Variants in PDSS2 observed in about 807,000 individuals in gnomAD.
PDSS2 encodes decaprenyl diphosphate synthase subunit 2.
PDSS2 carries 31 observed loss-of-function variants against 44.5 expected under a neutral mutation model. The observed-to-expected ratio is 0.70, with a 90% confidence interval of 0.52 to 0.94. The LOEUF (loss-of-function observed/expected upper bound fraction) is 0.94, where lower values mean the gene tolerates loss of function less well. PDSS2 is among the 40% of genes least tolerant of loss of function. PDSS2 has a pLI of 0.00. For missense variants in PDSS2, 452 were observed against 482.2 expected, an observed-to-expected ratio of 0.94 and a Z score of 0.59; for synonymous variants, 157 against 180.3, an observed-to-expected ratio of 0.87 and a Z score of 1.03.
intron 1 of PDSS2, among the ~76,000 whole-genome samples, chr6:107,427,564 A>G (rs1001788479): frequency 5.3e-5 from 8 of 152,212 alleles, no homozygotes; most frequent in African/African-American, 1.9e-4. Flanking sequence ...ATAATTAGAA[A>G]TCCATTCTTT....
At chr6:107,305,794 T>C (rs541024915) in intron 2 of PDSS2, among the ~76,000 whole-genome samples, 2 of 152,324 alleles carry the variant, frequency 1.3e-5, no homozygotes, top group African/African-American at 4.8e-5. Flanking sequence ...TAAGTACCTC[T>C]TATGTGGAAG....
chr6:107,277,361 G>A (rs1358414191), intron 2 of PDSS2, among the ~76,000 whole-genome samples: 1 of 152,212 alleles, frequency 6.6e-6, no homozygotes, highest in Non-Finnish European at 1.5e-5. Context: ...AGGTTGAAAA[G>A]ATCAGTTTGG....
intron 2 of PDSS2, among the ~76,000 whole-genome samples, chr6:107,318,093 T>C (rs1227497091): frequency 1.3e-5 from 2 of 152,176 alleles, no homozygotes; most frequent in African/African-American, 4.8e-5. Context: ...TGGAAAATCA[T>C]ATAATGATGA....
intron 2 of PDSS2, among the ~76,000 whole-genome samples, chr6:107,282,287 G>T (rs1003818906): frequency 5.9e-5 from 9 of 152,114 alleles, no homozygotes; most frequent in Admixed American, 2.0e-4. Flanking sequence ...TAAAAAGTAG[G>T]GTTTATAGAA....
intron 1 of PDSS2, among the ~76,000 whole-genome samples, chr6:107,334,553 T>C (rs1244293781): frequency 6.8e-6 from 1 of 146,790 alleles, no homozygotes; most frequent in Non-Finnish European, 1.5e-5. Context: ...TTGTTGTTGT[T>C]GTTTTTGAGA....
At chr6:107,288,140 C>G (rs1000533796) in intron 2 of PDSS2, among the ~76,000 whole-genome samples, 1 of 152,214 alleles carries the variant, frequency 6.6e-6, no homozygotes, top group Non-Finnish European at 1.5e-5. Flanking sequence ...TGAGCCACAA[C>G]ATGTCCGTCC....
intron 1 of PDSS2, among the ~76,000 whole-genome samples, chr6:107,417,179 A>G (rs753985660): frequency 7.5e-4 from 114 of 152,352 alleles, no homozygotes; most frequent in Non-Finnish European, 1.4e-3. Flanking sequence ...ACCACAAGAC[A>G]TATGTAAACA....
At chr6:107,397,078 T>A (rs192592392) in intron 1 of PDSS2, among the ~76,000 whole-genome samples, 337 of 152,242 alleles carry the variant, frequency 2.2e-3, no homozygotes, top group Non-Finnish European at 4.2e-3. Flanking sequence ...CACTTCTATT[T>A]TCAAAAATCT....
At chr6:107,401,976 C>T (rs532254129) in intron 1 of PDSS2, among the ~76,000 whole-genome samples, 1 of 152,194 alleles carries the variant, frequency 6.6e-6, no homozygotes, top group East Asian at 1.9e-4. Flanking sequence ...AACCCTGTCT[C>T]TATTAAAAAT....
intron 1 of PDSS2, among the ~76,000 whole-genome samples, chr6:107,398,475 T>C (rs1583034685): frequency 6.6e-6 from 1 of 152,216 alleles, no homozygotes; most frequent in African/African-American, 2.4e-5. Context: ...ACAGTAAATA[T>C]CAACAGATAT....
At chr6:107,357,478 A>T (rs1778628154) in intron 1 of PDSS2, among the ~76,000 whole-genome samples, 1 of 151,096 alleles carries the variant, frequency 6.6e-6, no homozygotes, top group African/African-American at 2.4e-5. Context: ...AAGCTTTCCT[A>T]TTAAACTTTA....
chr6:107,446,622 G>T (rs1781691920), intron 1 of PDSS2, among the ~76,000 whole-genome samples: 1 of 152,160 alleles, frequency 6.6e-6, no homozygotes, highest in Admixed American at 6.5e-5. Context: ...TTGACTCACA[G>T]TTCTACATGG....
At chr6:107,360,814 T>C (rs144045743) in intron 1 of PDSS2, among the ~76,000 whole-genome samples, 3 of 152,368 alleles carry the variant, frequency 2.0e-5, no homozygotes, top group Admixed American at 6.5e-5. Flanking sequence ...CTATGTATAG[T>C]GATATCTCCA....
intron 1 of PDSS2, among the ~76,000 whole-genome samples, chr6:107,422,086 TA>T (rs76344239): frequency 2.3e-3 from 250 of 109,098 alleles, no homozygotes; most frequent in East Asian, 0.01. Flanking sequence ...ATTTTAAAAG[TA>T]AAAAAAAAAA....
chr6:107,289,672 G>C (rs1399522182), intron 2 of PDSS2, among the ~76,000 whole-genome samples: 1 of 152,096 alleles, frequency 6.6e-6, no homozygotes, highest in Non-Finnish European at 1.5e-5. Flanking sequence ...CTCCAGCCTG[G>C]GAGACAGAAT....
intron 7 of PDSS2, among the ~76,000 whole-genome samples, chr6:107,183,977 C>T (rs1324677076): frequency 6.6e-6 from 1 of 151,422 alleles, no homozygotes; most frequent in African/African-American, 2.4e-5. Context: ...CCAGCCTGGG[C>T]AACGAGAATT....
intron 1 of PDSS2, among the ~76,000 whole-genome samples, chr6:107,394,779 T>C (rs879456023): frequency 2.6e-5 from 4 of 152,222 alleles, no homozygotes; most frequent in Non-Finnish European, 4.4e-5. Flanking sequence ...TCATATGTTA[T>C]ATGTCCCACA....
chr6:107,316,655 G>T (rs1403467525), intron 2 of PDSS2, among the ~76,000 whole-genome samples: 1 of 151,918 alleles, frequency 6.6e-6, no homozygotes, highest in Non-Finnish European at 1.5e-5. Flanking sequence ...TTTTAAACAG[G>T]CCCTATATAT....
At chr6:107,267,937 C>T (rs1185825206) in intron 3 of PDSS2, among the ~76,000 whole-genome samples, 2 of 151,942 alleles carry the variant, frequency 1.3e-5, no homozygotes, top group Non-Finnish European at 2.9e-5. Flanking sequence ...TCATTTTTTA[C>T]TTTAGCTTTT....
Sources: allele counts gnomAD v4.1 joint callset (sites outside exome capture counted in the v4.1 genomes callset), GRCh38; gene constraint gnomAD v4.1.1; transcripts MANE v1.5; gene names NCBI Gene and HGNC (gene_info 2026-07-23, HGNC 2026-07-21).